Variants in RYR2 observed in about 807,000 individuals in gnomAD.
RYR2 encodes ryanodine receptor 2, also known as cardiac muscle ryanodine receptor-calcium release channel.
Under a neutral mutation model 601.1 loss-of-function variants are expected in RYR2, and 227 were observed. The observed-to-expected ratio is 0.38, with a 90% confidence interval of 0.34 to 0.42. The LOEUF (loss-of-function observed/expected upper bound fraction) is 0.42, where lower values mean the gene tolerates loss of function less well. RYR2 is among the 10% of genes least tolerant of loss of function. RYR2 has a pLI of 1.00. For missense variants in RYR2, 4,646 were observed against 6,156.5 expected (o/e 0.75, Z 8.21); for synonymous variants, 2,223 against 2,175.1 (o/e 1.02, Z -0.61).
intron 59 of RYR2, among the ~76,000 whole-genome samples, 155 bp downstream of exon 59, chr1:237,674,374 A>G (rs907631311): frequency 8.5e-5 from 13 of 152,260 alleles, no homozygotes; most frequent in African/African-American, 3.1e-4. Flanking sequence ...AGAAACATTA[A>G]CACCCCTAGC....
intron 29 of RYR2, among the ~76,000 whole-genome samples, chr1:237,571,080 A>T (rs1221547566): frequency 6.6e-6 from 1 of 152,086 alleles, no homozygotes; most frequent in Non-Finnish European, 1.5e-5. Flanking sequence ...GTGAGCTGTG[A>T]TTGTGCCACT....
Position 237,709,225 on chromosome 1 carries a change from T to C in RYR2, c.10142+127T>C. 4.4e-6 allele frequency: 4 copies of C among 903,054 alleles called. No homozygotes were observed. In the South Asian group the frequency reaches 7.9e-5, roughly 18 times the overall value. The allele number at this position is 903,054 out of a possible 1,614,324, so 55.9% of individuals were successfully genotyped here. On this transcript the variant is annotated intron_variant, in intron 69 of 104. Coordinates refer to ENST00000366574, the MANE Select transcript of RYR2 (RefSeq NM_001035.3). ...TTGTTGGTAATTATAATTAACTGTT[T>C]ATAGGCAAGTTAATTTTTGGCTTAA...
In RYR2 at chr1:237,364,379, C is replaced by T. The variant is rs377710043; in HGVS notation, c.309+7C>T. 2.3e-4 allele frequency: 354 copies of T among 1,522,486 alleles called. No individual in the cohort carries two copies. The African/African-American group carries it at 4.2e-3, about 18-fold the overall frequency. The allele number at this position is 1,522,486 out of a possible 1,614,324, so 94.3% of individuals were successfully genotyped here. ...ACAGAAATTCATGATGAAGGTAAGA[C>T]ATCTTAATATATATGCTATGTATAT... On this transcript the variant is annotated splice_region_variant and intron_variant, in intron 5 of 104. Transcript: ENST00000366574.
rs373764469 is a variant in RYR2, at chr1:237,191,343, G to A, written c.49-79154G>A. Among the ~76,000 whole-genome samples, 3 of 152,022 alleles carry A rather than the reference G, an allele frequency of 2.0e-5. No individual in the cohort carries two copies. In the East Asian group the frequency reaches 5.8e-4, roughly 29 times the overall value. Reference sequence around the variant, plus strand: ...AGTATGTTTTGAAATCAGGGAGTATGAGGCCTCAGCTTTGCTCTTTTTCAA... The same window carrying A: ...AGTATGTTTTGAAATCAGGGAGTATAAGGCCTCAGCTTTGCTCTTTTTCAA... On this transcript the variant is annotated intron_variant, in intron 1 of 104. Transcript: ENST00000366574.
intron 102 of RYR2, 115 bp from the exon 103 acceptor site, chr1:237,830,415 G>T: frequency 1.4e-6 from 1 of 697,920 alleles, no homozygotes. Context: ...TCCATGTGAT[G>T]ATCTTTGACG....
intron 8 of RYR2, among the ~76,000 whole-genome samples, chr1:237,383,430 T>G (rs1163866118): frequency 3.8e-5 from 3 of 79,520 alleles, no homozygotes; most frequent in Admixed American, 1.4e-4. Flanking sequence ...TTTTTTTTTT[T>G]TTTTTTTTTT....
chr1:237,191,560 C>T (rs1679969906), intron 1 of RYR2, among the ~76,000 whole-genome samples: 1 of 152,088 alleles, frequency 6.6e-6, no homozygotes, highest in Admixed American at 6.6e-5. Flanking sequence ...ATAGAAAACA[C>T]TTCTTTTGCT....
At chr1:237,511,853 A>C (rs555816505) in intron 24 of RYR2, 62 bp downstream of exon 24, 6 of 986,856 alleles carry the variant, frequency 6.1e-6, no homozygotes, top group Non-Finnish European at 8.6e-6. Context: ...AAAAAAAAAA[A>C]AAAAAACAGG....
At chr1:237,703,338 T>A (rs1378158690) in intron 66 of RYR2, among the ~76,000 whole-genome samples, 1 of 151,762 alleles carries the variant, frequency 6.6e-6, no homozygotes, top group African/African-American at 2.4e-5. Context: ...GGATCCCTAT[T>A]TATATTTTCA....
rs184820081 is a variant in RYR2 at position 237,762,620 on chromosome 1, A to G, written c.11476+1592A>G. Among the ~76,000 whole-genome samples, 441 of 152,306 alleles carry G rather than the reference A, an allele frequency of 2.9e-3. 4 individuals carry two copies. The highest frequency in any genetic ancestry group is 4.0e-3 in the Non-Finnish European group (275 of 68,014). On this transcript the variant is annotated intron_variant, in intron 84 of 104. Coordinates refer to ENST00000366574, the MANE Select transcript of RYR2 (RefSeq NM_001035.3). ...GCCTCCTTTCCTTCGTCAGGCGGAT[A>G]TGGGTTGGAATAACATTTTCGAGTC...
chr1:237,402,364 G>A (rs1038971254), intron 10 of RYR2, among the ~76,000 whole-genome samples: 2 of 151,148 alleles, frequency 1.3e-5, no homozygotes, highest in African/African-American at 2.4e-5. Flanking sequence ...TCCAGTCTGG[G>A]TGGCAGAGCA....
At chr1:237,789,352 T>C (rs540300077) in intron 92 of RYR2, among the ~76,000 whole-genome samples, 3 of 152,234 alleles carry the variant, frequency 2.0e-5, no homozygotes, top group Admixed American at 2.0e-4. Context: ...GTATTATATA[T>C]TTTATGCAAA....
At chr1:237,652,048 A>G (rs1682814629) in intron 51 of RYR2, among the ~76,000 whole-genome samples, 1 of 152,220 alleles carries the variant, frequency 6.6e-6, no homozygotes, top group South Asian at 2.1e-4. Flanking sequence ...AAAGAAAAAA[A>G]GGACCACAGG....
chr1:237,303,788 TAACTC>T (rs995252084), intron 2 of RYR2, among the ~76,000 whole-genome samples: 53 of 152,326 alleles, frequency 3.5e-4, no homozygotes, highest in African/African-American at 1.2e-3. Context: ...GCCTCAGTGA[TAACTC>T]AAATACATTT....
chr1:237,708,161 T>C (rs532494264), intron 68 of RYR2, among the ~76,000 whole-genome samples: 9 of 152,090 alleles, frequency 5.9e-5, no homozygotes, highest in Non-Finnish European at 4.4e-5. Flanking sequence ...GGAGAATTTT[T>C]AAAACAATGA....
intron 31 of RYR2, among the ~76,000 whole-genome samples, chr1:237,591,409 G>A (rs767481305): frequency 2.0e-5 from 3 of 152,020 alleles, no homozygotes; most frequent in Non-Finnish European, 4.4e-5. Flanking sequence ...GATAAAGGCG[G>A]CAAGTTATTT....
chr1:237,465,640 C>T (rs1659994931), intron 16 of RYR2, among the ~76,000 whole-genome samples: 1 of 152,146 alleles, frequency 6.6e-6, no homozygotes, highest in African/African-American at 2.4e-5. Context: ...TACGGGATGG[C>T]CTACTGCATG....
At chr1:237,713,183 A>G (rs1006934181) in intron 71 of RYR2, among the ~76,000 whole-genome samples, 7 of 152,084 alleles carry the variant, frequency 4.6e-5, no homozygotes, top group African/African-American at 1.7e-4. Context: ...CCTCTTTTCC[A>G]TCAGTTGAGT....
chr1:237,790,647 C>T (rs1658266372), intron 92 of RYR2, among the ~76,000 whole-genome samples: 1 of 152,064 alleles, frequency 6.6e-6, no homozygotes, highest in South Asian at 2.1e-4. Context: ...TATATTAACT[C>T]ATTTCATCTT....
Sources: gnomAD v4.1 joint callset for allele counts (sites outside exome capture counted in the v4.1 genomes callset) on GRCh38, gnomAD v4.1.1 for gene constraint, MANE v1.5 for transcripts, NCBI Gene and HGNC (gene_info 2026-07-23, HGNC 2026-07-21) for gene names.